Variants in OSBPL9 observed in about 807,000 individuals in gnomAD.
OSBPL9 encodes the protein oxysterol binding protein like 9, also known as oxysterol-binding protein-related protein 9.
A neutral mutation model predicts 106.6 loss-of-function variants in OSBPL9; 40 were observed. The ratio of observed to expected loss-of-function variants is 0.38; its 90% CI spans 0.29 to 0.49. The LOEUF is 0.49. Ranked by LOEUF, OSBPL9 falls within the 20% of genes least tolerant of loss-of-function variation. OSBPL9 has a pLI of 0.97. For synonymous variants in OSBPL9, 269 were observed against 295.4 expected (o/e 0.91, Z 0.92); for missense variants, 609 against 887.2 (o/e 0.69, Z 3.98).
upstream of OSBPL9, among the ~76,000 whole-genome samples, chr1:51,575,430 C>T (rs1309210212): frequency 2.0e-5 from 3 of 149,630 alleles, no homozygotes; most frequent in Non-Finnish European, 3.0e-5. Context: ...GGTCTGGTTT[C>T]GAATTCCTGA....
intron 3 of OSBPL9, among the ~76,000 whole-genome samples, chr1:51,700,400 C>T (rs558043039): frequency 3.0e-4 from 46 of 152,326 alleles, no homozygotes; most frequent in Admixed American, 1.2e-3. Flanking sequence ...TTTGAATTTT[C>T]CCTCTAATGC....
Position 51,786,398 on chromosome 1 carries a change from TA to T in OSBPL9, c.1909-126del. On this transcript the variant is annotated intron_variant, in intron 21 of 23. Transcript: ENST00000428468. ...AAACAGAGGAAAGATGTTATGAAAT[TA>T]ACAGGAGGAGCCAGTTAACTGCATT... 1.1e-5 allele frequency: 7 copies of T among 623,022 alleles called. 2 individuals carry two copies. The highest frequency in any genetic ancestry group is 2.0e-5 in the Non-Finnish European group (7 of 352,904). 38.6% of individuals were successfully genotyped at this position (623,022 alleles called of 1,614,324 possible). A position where few individuals can be genotyped will look rare whatever the true frequency, so the allele number is the denominator to read the frequency against.
chr1:51,618,678 C>CTTATATA (rs960992430), intron 1 of OSBPL9, among the ~76,000 whole-genome samples: 1 of 152,178 alleles, frequency 6.6e-6, no homozygotes, highest in Admixed American at 6.5e-5. Flanking sequence ...TTCTCTGGAG[C>CTTATATA]TTATATACTA....
chr1:51,591,914 T>C (rs1219768058), intron 1 of OSBPL9, among the ~76,000 whole-genome samples: 1 of 152,146 alleles, frequency 6.6e-6, no homozygotes, highest in Non-Finnish European at 1.5e-5. Context: ...ACCCTAACAC[T>C]GGACTTCTCG....
intron 2 of OSBPL9, among the ~76,000 whole-genome samples, chr1:51,663,939 T>C (rs990883005): frequency 3.9e-5 from 6 of 152,190 alleles, no homozygotes; most frequent in Admixed American, 2.6e-4. Flanking sequence ...CATGATGAGA[T>C]GTCACTACTT....
At chr1:51,687,694 A>G (rs1251753750) in intron 3 of OSBPL9, among the ~76,000 whole-genome samples, 2 of 152,232 alleles carry the variant, frequency 1.3e-5, no homozygotes, top group South Asian at 2.1e-4. Flanking sequence ...GAAGTGTCCT[A>G]TATTTTAGAA....
intron 3 of OSBPL9, among the ~76,000 whole-genome samples, chr1:51,702,654 T>A: frequency 6.6e-6 from 1 of 152,350 alleles, no homozygotes; most frequent in South Asian, 2.1e-4. Context: ...TTTAATTAGA[T>A]CCCATTTGTC....
upstream of OSBPL9, among the ~76,000 whole-genome samples, chr1:51,613,799 T>C (rs978033852): frequency 2.0e-5 from 3 of 151,744 alleles, no homozygotes; most frequent in Admixed American, 6.6e-5. Flanking sequence ...TGGAGTGCAG[T>C]GGCACGATCT....
intron 4 of OSBPL9, among the ~76,000 whole-genome samples, chr1:51,735,981 T>C (rs532700780): frequency 2.0e-5 from 3 of 152,224 alleles, no homozygotes; most frequent in Non-Finnish European, 4.4e-5. Flanking sequence ...ACTCTATGAG[T>C]TATTTATGAT....
upstream of OSBPL9, among the ~76,000 whole-genome samples, chr1:51,575,328 G>T (rs1046413838): frequency 4.6e-5 from 7 of 151,834 alleles, no homozygotes; most frequent in Non-Finnish European, 1.0e-4. Flanking sequence ...AGACTCCTGA[G>T]TAGCTGGGAT....
intron 4 of OSBPL9, among the ~76,000 whole-genome samples, chr1:51,731,775 C>CAAA (rs905927971): frequency 2.5e-4 from 17 of 67,150 alleles, no homozygotes; most frequent in African/African-American, 3.4e-4. Flanking sequence ...GAGTCTGTCT[C>CAAA]AAAAAAAAAA....
intron 3 of OSBPL9, among the ~76,000 whole-genome samples, chr1:51,700,871 G>A (rs1215948826): frequency 6.6e-6 from 1 of 151,964 alleles, no homozygotes; most frequent in Non-Finnish European, 1.5e-5. Context: ...CTTGCCTGAT[G>A]TAATTATTGC....
At chr1:51,543,469 C>T in the OSBPL9 span, among the ~76,000 whole-genome samples, 3 of 152,268 alleles carry the variant, frequency 2.0e-5, no homozygotes, top group Non-Finnish European at 4.4e-5. Flanking sequence ...CATCTCAGCT[C>T]ACTGCAACCT....
rs116812208 is a variant in OSBPL9, at chr1:51,660,675, A to G, written c.162+8634A>G. 1.1e-3 allele frequency among the ~76,000 whole-genome samples: 164 copies of G among 152,378 alleles called. 1 individual carries two copies. The highest frequency in any genetic ancestry group is 3.8e-3 in the African/African-American group (157 of 41,588). On this transcript the variant is annotated intron_variant, in intron 2 of 23. Coordinates refer to ENST00000428468, the MANE Select transcript of OSBPL9 (RefSeq NM_024586.6). Reference sequence around the variant, plus strand: ...AAATACTTGTTGAATCAATGAATGAATGATGCTAAAGTAGGTCCTCCATGC... The same window carrying G: ...AAATACTTGTTGAATCAATGAATGAGTGATGCTAAAGTAGGTCCTCCATGC...
the OSBPL9 span, among the ~76,000 whole-genome samples, chr1:51,570,858 T>G: frequency 6.6e-6 from 1 of 152,126 alleles, no homozygotes; most frequent in African/African-American, 2.4e-5. Flanking sequence ...AGTCTTGCTC[T>G]GTCGCCAGGC....
chr1:51,653,802 C>A (rs1175766608), intron 2 of OSBPL9, among the ~76,000 whole-genome samples: 1 of 152,124 alleles, frequency 6.6e-6, no homozygotes. Flanking sequence ...TAGTTCGAGA[C>A]CAGCCTGGGA....
intron 8 of OSBPL9, among the ~76,000 whole-genome samples, chr1:51,750,820 A>G (rs1669069505): frequency 6.6e-6 from 1 of 152,154 alleles, no homozygotes; most frequent in Non-Finnish European, 1.5e-5. Context: ...CTACCTCACT[A>G]CACCCCTTTA....
chr1:51,540,980 A>T, the OSBPL9 span, among the ~76,000 whole-genome samples: 1 of 151,368 alleles, frequency 6.6e-6, no homozygotes, highest in Non-Finnish European at 1.5e-5. Flanking sequence ...ACAAAAAAAA[A>T]ATTACTCAGG....
At chr1:51,762,638 C>A (rs955119482) in intron 11 of OSBPL9, among the ~76,000 whole-genome samples, 5 of 152,192 alleles carry the variant, frequency 3.3e-5, no homozygotes, top group Admixed American at 1.3e-4. Flanking sequence ...TCTTTACTCT[C>A]CCCCCAGTAA....
Sources: gnomAD v4.1 joint callset for allele counts (sites outside exome capture counted in the v4.1 genomes callset) on GRCh38, gnomAD v4.1.1 for gene constraint, MANE v1.5 for transcripts, NCBI Gene and HGNC (gene_info 2026-07-23, HGNC 2026-07-21) for gene names.